PICALM: variants seen among roughly 807,000 people sequenced by gnomAD.
PICALM encodes the protein phosphatidylinositol-binding clathrin assembly protein.
PICALM carries 40 observed loss-of-function variants against 80.5 expected under a neutral mutation model. The observed-to-expected ratio is 0.50, with a 90% CI of 0.39 to 0.65. The LOEUF (loss-of-function observed/expected upper bound fraction) is 0.65, where lower values mean the gene tolerates loss of function less well. Among genes scored for constraint, PICALM ranks in the 30% least tolerant of loss-of-function variants. The pLI is 0.00. For synonymous variants in PICALM, 288 were observed against 260.3 expected (o/e 1.11, Z -1.02); for missense variants, 676 against 778.9 (o/e 0.87, Z 1.57).
rs2096484660 is a variant in PICALM, at chr11:86,068,839, A to G, written c.-59T>C. 1.3e-6 allele frequency: 2 copies of G among 1,522,126 alleles called. No individual in the cohort carries two copies. Among genetic ancestry groups the G allele is most frequent in the Non-Finnish European group, 1.8e-6 (2 of 1,137,714 alleles). The allele number at this position is 1,522,126 out of a possible 1,614,324, so 94.3% of individuals were successfully genotyped here. A position where few individuals can be genotyped will look rare whatever the true frequency, so the allele number is the denominator to read the frequency against. On this transcript the variant is annotated 5_prime_UTR_variant, in exon 1 of 20. Coordinates refer to ENST00000393346, the MANE Select transcript of PICALM (RefSeq NM_007166.4). ...CAGCCGGCGGGGACTGGGACCCCCA[A>G]GAGCCGGAGGGTCCCCACCCCCCAC...
intron 13 of PICALM, among the ~76,000 whole-genome samples, chr11:85,988,673 A>G (rs573625166): frequency 6.6e-6 from 1 of 152,192 alleles, no homozygotes; most frequent in Non-Finnish European, 1.5e-5. Flanking sequence ...AAGAAGAGGA[A>G]GAAGAGAAAA....
intron 11 of PICALM, among the ~76,000 whole-genome samples, chr11:85,998,671 G>C (rs547900662): frequency 1.3e-5 from 2 of 152,086 alleles, no homozygotes; most frequent in Admixed American, 6.5e-5. Flanking sequence ...CCAGCTACTC[G>C]GGAAGCTAAG....
chr11:85,981,681 A>G, intron 16 of PICALM, 64 bp downstream of exon 16: 2 of 1,248,484 alleles, frequency 1.6e-6, no homozygotes, highest in Non-Finnish European at 2.3e-6. Flanking sequence ...CAACCCTCCA[A>G]ATAACACATG....
intron 18 of PICALM, 91 bp downstream of exon 18, chr11:85,976,532 A>T: frequency 1.3e-6 from 1 of 781,866 alleles, no homozygotes; most frequent in Non-Finnish European, 2.3e-6. Flanking sequence ...TATGAGGAGC[A>T]CTAAATTCTT....
chr11:86,009,470 T>A (rs2095351932), intron 7 of PICALM, among the ~76,000 whole-genome samples: 1 of 151,984 alleles, frequency 6.6e-6, no homozygotes, highest in African/African-American at 2.4e-5. Flanking sequence ...GGCGGGCAGA[T>A]CACCTGAGGT....
intron 1 of PICALM, among the ~76,000 whole-genome samples, chr11:86,039,865 A>G (rs974338778): frequency 1.3e-5 from 2 of 151,926 alleles, no homozygotes; most frequent in Non-Finnish European, 2.9e-5. Context: ...TTAGCTGGGC[A>G]TGGTGGCGGG....
intron 6 of PICALM, 117 bp from the exon 7 acceptor site, chr11:86,011,253 T>C: frequency 1.8e-6 from 1 of 563,058 alleles, no homozygotes; most frequent in Non-Finnish European, 3.1e-6. Flanking sequence ...CATACCCTAC[T>C]AGAAAAATAT....
At chr11:86,020,297 A>C (rs2095543196) in intron 4 of PICALM, among the ~76,000 whole-genome samples, 1 of 152,154 alleles carries the variant, frequency 6.6e-6, no homozygotes, top group East Asian at 1.9e-4. Flanking sequence ...AATACTCCCC[A>C]AACTGATCTA....
At chr11:85,996,292 C>A (rs557204556) in intron 12 of PICALM, among the ~76,000 whole-genome samples, 3 of 152,068 alleles carry the variant, frequency 2.0e-5, no homozygotes, top group Non-Finnish European at 4.4e-5. Flanking sequence ...GGGGAAAATT[C>A]TTTGACTAGC....
intron 1 of PICALM, among the ~76,000 whole-genome samples, chr11:86,059,981 C>T (rs1304708079): frequency 6.6e-6 from 1 of 151,934 alleles, no homozygotes; most frequent in Non-Finnish European, 1.5e-5. Flanking sequence ...TTTGCCCCAG[C>T]AGTTTCCTTT....
chr11:85,989,529 G>A (rs2094695278), intron 13 of PICALM, among the ~76,000 whole-genome samples: 1 of 152,152 alleles, frequency 6.6e-6, no homozygotes, highest in African/African-American at 2.4e-5. Flanking sequence ...GGGGAGCAGA[G>A]TTAGCATCTT....
intron 3 of PICALM, among the ~76,000 whole-genome samples, chr11:86,025,342 G>T (rs1431763463): frequency 1.3e-5 from 2 of 152,016 alleles, no homozygotes; most frequent in Admixed American, 1.3e-4. Flanking sequence ...GGAGGTTGCA[G>T]TGAGCCAAGA....
At chr11:85,961,568 C>A (rs962180394) in intron 19 of PICALM, among the ~76,000 whole-genome samples, 2 of 152,182 alleles carry the variant, frequency 1.3e-5, no homozygotes, top group African/African-American at 4.8e-5. Context: ...TCCTGAAGAA[C>A]CAAGATATTA....
intron 1 of PICALM, among the ~76,000 whole-genome samples, chr11:86,061,740 T>C (rs1235258900): frequency 6.6e-6 from 1 of 152,216 alleles, no homozygotes; most frequent in Admixed American, 6.5e-5. Context: ...CCAGCAACTG[T>C]GTTCCTTGCT....
chr11:86,061,420 A>G (rs2096363995), intron 1 of PICALM, among the ~76,000 whole-genome samples: 2 of 152,058 alleles, frequency 1.3e-5, no homozygotes, highest in South Asian at 4.1e-4. Context: ...AACCTCAACA[A>G]TAAGAAAACA....
intron 1 of PICALM, among the ~76,000 whole-genome samples, chr11:86,065,311 T>C (rs2096430977): frequency 6.6e-6 from 1 of 152,016 alleles, no homozygotes; most frequent in African/African-American, 2.4e-5. Context: ...CTGGGTGTGG[T>C]GGCATGCGCC....
Position 86,022,348 on chromosome 11 carries a change from C to CA in PICALM, c.452+18dup, listed in dbSNP as rs755567647. The CA allele has an allele frequency of 1.1e-5, 14 of 1,319,976 alleles. No homozygotes were observed. Among genetic ancestry groups the CA allele is most frequent in the Admixed American group, 4.0e-5 (2 of 50,390 alleles). 81.8% of individuals were successfully genotyped at this position (1,319,976 alleles called of 1,614,324 possible). A position where few individuals can be genotyped will look rare whatever the true frequency, so the allele number is the denominator to read the frequency against. On this transcript the variant is annotated intron_variant, in intron 4 of 19. Coordinates refer to ENST00000393346, the MANE Select transcript of PICALM (RefSeq NM_007166.4). Reference sequence around the variant, plus strand: ...TTAAAAATTCAAATCAATTAGATGTCAAAAAAAGCTTAACTCACCCTCTCT... The same window carrying CA: ...TTAAAAATTCAAATCAATTAGATGTCAAAAAAAAGCTTAACTCACCCTCTCT...
chr11:85,985,739 TATC>T (rs2094554401), intron 13 of PICALM, among the ~76,000 whole-genome samples: 2 of 152,360 alleles, frequency 1.3e-5, no homozygotes, highest in African/African-American at 4.8e-5. Context: ...GTGTCCATGC[TATC>T]ATCAGAGTGT....
At chr11:86,032,875 A>G (rs537864127) in intron 1 of PICALM, among the ~76,000 whole-genome samples, 55 of 152,322 alleles carry the variant, frequency 3.6e-4, no homozygotes, top group African/African-American at 1.3e-3. Flanking sequence ...TGTAACTACC[A>G]ACATTTACTT....
Sources: gnomAD v4.1 joint callset for allele counts (sites outside exome capture counted in the v4.1 genomes callset) on GRCh38, gnomAD v4.1.1 for gene constraint, MANE v1.5 for transcripts, NCBI Gene and HGNC (gene_info 2026-07-23, HGNC 2026-07-21) for gene names.